CNKSR1: variants seen among roughly 807,000 people sequenced by gnomAD.
CNKSR1 encodes connector enhancer of kinase suppressor of Ras 1, also known as CNK homolog protein 1.
Under a neutral mutation model 95.6 loss-of-function variants are expected in CNKSR1, and 88 were observed. The ratio of observed to expected loss-of-function variants is 0.92; its 90% CI spans 0.78 to 1.10. CNKSR1 has a LOEUF of 1.10. CNKSR1 is among the 50% of genes least tolerant of loss of function. The probability of loss-of-function intolerance (pLI) is 0.00; values close to 1 mark genes in which losing one functional copy is unlikely to be tolerated. For synonymous variants in CNKSR1, 355 were observed against 369.7 expected (o/e 0.96, Z 0.46); for missense variants, 836 against 912.0 (o/e 0.92, Z 1.07).
intron 14 of CNKSR1, among the ~76,000 whole-genome samples, chr1:26,185,494 G>A (rs1022878773): frequency 6.7e-6 from 1 of 150,026 alleles, no homozygotes; most frequent in Non-Finnish European, 1.5e-5. Context: ...CCGGGTTCAC[G>A]CCATTCTCCT....
chr1:26,183,204 A>C lies in CNKSR1; in HGVS notation c.632A>C (p.Glu211Ala). 6.2e-7 allele frequency: 1 copy of C among 1,613,974 alleles called. No individual in the cohort carries two copies. Among genetic ancestry groups the C allele is most frequent in the Non-Finnish European group, 8.5e-7 (1 of 1,179,968 alleles). ...TAGCCTCTGCCTCTGCAGGGCCTAGAAATTCACACCACCAGCAATTGCCAG... is the reference window on the plus strand; with the variant it reads ...TAGCCTCTGCCTCTGCAGGGCCTAGCAATTCACACCACCAGCAATTGCCAG... Reference protein sequence around the residue: ...QVQLDSPLGLEIHTTSNCQHF... With the variant: ...QVQLDSPLGLAIHTTSNCQHF... Residue 211 changes from glutamate to alanine, a missense_variant, in exon 7 of 21, where the codon GAA becomes GCA. By Grantham distance (107) the Glu-to-Ala change is moderately radical (BLOSUM62 -1). Transcript: ENST00000361530.
intron 1 of CNKSR1, 35 bp downstream of exon 1, chr1:26,177,634 G>A (rs2088582674): frequency 6.2e-7 from 1 of 1,612,656 alleles, no homozygotes; most frequent in South Asian, 1.1e-5. Context: ...GGCTTGAAGG[G>A]GACTAGGTGT....
At chr1:26,187,684 G>A (rs1201647977) in intron 16 of CNKSR1, among the ~76,000 whole-genome samples, 3 of 146,968 alleles carry the variant, frequency 2.0e-5, no homozygotes, top group Non-Finnish European at 3.0e-5. Context: ...GTGCAGTGGC[G>A]TGATCTTGGC....
In CNKSR1 at chr1:26,185,124, C is replaced by A. The variant is rs1359073386; in HGVS notation, c.1246C>A (p.Arg416Ser). ...RKAPGGFMGP[R>S]WRRRWFVLKG... ...GGCACCGGGCGGCTTCATGGGCCCG[C>A]GCTGGCGCCGCCGCTGGTTTGTGCT... The change falls in exon 14 of 21, where the codon CGC becomes AGC. Residue 416 changes from arginine (R) to serine (S), a missense_variant. By Grantham distance (110) the Arg-to-Ser change is moderately radical (BLOSUM62 -1). Coordinates refer to ENST00000361530, the MANE Select transcript of CNKSR1 (RefSeq NM_006314.3). 1.3e-6 allele frequency: 2 copies of A among 1,587,594 alleles called. No individual in the cohort carries two copies. The highest frequency in any genetic ancestry group is 1.7e-6 in the Non-Finnish European group (2 of 1,168,062).
chr1:26,179,313 A>G lies in CNKSR1; in HGVS notation c.53-1140A>G, dbSNP rs536547633. Reference sequence around the variant, plus strand: ...AGTGGGAACAAGAGGAGAGCCCTCCATCCCACTCAGCCTGGGAAGTTATGG... The same window carrying G: ...AGTGGGAACAAGAGGAGAGCCCTCCGTCCCACTCAGCCTGGGAAGTTATGG... On this transcript the variant is annotated intron_variant, in intron 1 of 20. Transcript: ENST00000361530. 6.6e-5 allele frequency among the ~76,000 whole-genome samples: 10 copies of G among 152,342 alleles called. 1 individual carries two copies. The highest frequency in any genetic ancestry group is 2.4e-4 in the African/African-American group (10 of 41,582).
rs1258855799 is a variant in CNKSR1 at position 26,188,687 on chromosome 1, C to T, written c.1680C>T (p.Gly560=). The T allele has an allele frequency of 6.2e-7, 1 of 1,613,808 alleles. No individual in the cohort carries two copies. The highest frequency in any genetic ancestry group is 1.1e-5 in the South Asian group (1 of 91,074). Residue 560 remains glycine (G), a synonymous_variant, in exon 19 of 21, where the codon GGC becomes GGT. Transcript: ENST00000361530. ...AGCGCAGCCCACGGACCTCCTTTGG[C>T]TCTCTGACAGGTGCTGGGCTGGAGT... ...PTQRSPRTSF[G]SLTDSSEEAL...
In CNKSR1 at chr1:26,184,965, G is replaced by A. The variant is rs1364916943; in HGVS notation, c.1136-49G>A. ...GGAAGGCAGGGAGTAGGTTTAGCGG[G>A]GGCACCTTGCCAGCCCCTCACTGCC... On this transcript the variant is annotated intron_variant, in intron 13 of 20. Coordinates refer to ENST00000361530, the MANE Select transcript of CNKSR1 (RefSeq NM_006314.3). The A allele has an allele frequency of 3.9e-6, 6 of 1,538,508 alleles. No homozygotes were observed. The East Asian group carries it at 1.4e-4, about 36-fold the overall frequency.
At chr1:26,183,172 G>C (rs2088675559) in intron 6 of CNKSR1, 25 bp from the exon 7 acceptor site, 1 of 1,613,454 alleles carries the variant, frequency 6.2e-7, no homozygotes, top group African/African-American at 1.3e-5. Flanking sequence ...CCAGCCCCCG[G>C]TGACTATAGC....
At position 26,181,963 on chromosome 1, in the gene CNKSR1, C is replaced by T. The variant is rs777220851; in HGVS notation, c.477+22C>T. 17 of 1,609,998 alleles carry T rather than the reference C, an allele frequency of 1.1e-5. No homozygotes were observed. The South Asian group carries it at 1.8e-4, about 17-fold the overall frequency. On this transcript the variant is annotated intron_variant, in intron 4 of 20. Coordinates refer to ENST00000361530, the MANE Select transcript of CNKSR1 (RefSeq NM_006314.3). ...TGAGGTAGGAGAACCAAGGGCCAGGCTTGGCCCATGCCCTAGAGACCAAGC... is the reference window on the plus strand; with the variant it reads ...TGAGGTAGGAGAACCAAGGGCCAGGTTTGGCCCATGCCCTAGAGACCAAGC...
At chr1:26,177,896 G>A (rs754996736) in intron 1 of CNKSR1, among the ~76,000 whole-genome samples, 16 of 152,166 alleles carry the variant, frequency 1.1e-4, no homozygotes, top group South Asian at 4.1e-4. Context: ...GAACCCAGGA[G>A]GCAGAGGTTA....
chr1:26,182,272 G>A, intron 4 of CNKSR1, 89 bp from the exon 5 acceptor site: 1 of 1,330,156 alleles, frequency 7.5e-7, no homozygotes, highest in South Asian at 1.2e-5. Context: ...GGGAGGGACT[G>A]TACGGAATCC....
intron 8 of CNKSR1, 119 bp downstream of exon 8, chr1:26,183,533 A>T: frequency 1.7e-6 from 2 of 1,173,218 alleles, no homozygotes; most frequent in Non-Finnish European, 2.5e-6. Context: ...CTTCCAGGAG[A>T]TGAGCCAGCT....
At position 26,180,478 on chromosome 1, in the gene CNKSR1, T is replaced by C. The variant is rs1466742999; in HGVS notation, c.78T>C (p.Tyr26=). The part of the protein sequence containing the change: ...LRGLDDSLQD[Y]PFEDWQLPGK... ...GTCTTGACGACTCCCTGCAGGACTA[T>C]CCCTTTGAGGACTGGCAGCTGCCTG... The change falls in exon 2 of 21, where the codon TAT becomes TAC. Residue 26 remains tyrosine, a synonymous_variant. Coordinates refer to ENST00000361530, the MANE Select transcript of CNKSR1 (RefSeq NM_006314.3). The C allele has an allele frequency of 6.2e-7, 1 of 1,614,102 alleles. No individual in the cohort carries two copies. Among genetic ancestry groups the C allele is most frequent in the South Asian group, 1.1e-5 (1 of 91,076 alleles).
rs115680702 is a variant in CNKSR1 at position 26,187,449 on chromosome 1, T to C, written c.1421T>C (p.Ile474Thr). 1,283 of 1,614,000 alleles carry C rather than the reference T, an allele frequency of 7.9e-4. 10 individuals carry two copies. The African/African-American group carries it at 0.013, about 17-fold the overall frequency. Residue 474 changes from isoleucine (I) to threonine (T), a missense_variant, in exon 16 of 21, where the codon ATC (isoleucine) becomes ACC (threonine). Coordinates refer to ENST00000361530, the MANE Select transcript of CNKSR1 (RefSeq NM_006314.3). ...ACCCATGATGTGTACAAACCCTTCA[T>C]CTTCGCTGCTGATACCCTGACAGAT... is the stretch of plus-strand genomic sequence containing the variant. The part of the protein sequence containing the change: ...QLTHDVYKPF[I>T]FAADTLTDLS...
chr1:26,188,428 G>T lies in CNKSR1; in HGVS notation c.1529-14G>T, dbSNP rs772012166. ...CCTGGCCTCCCAAAAACCCACTGCT[G>T]CTCCTCACCCCAGACTGCTACAGTG... On this transcript the variant is annotated splice_polypyrimidine_tract_variant and intron_variant, in intron 17 of 20. Transcript: ENST00000361530. 3.1e-6 allele frequency: 5 copies of T among 1,605,586 alleles called. No homozygotes were observed. Among genetic ancestry groups the T allele is most frequent in the Non-Finnish European group, 4.3e-6 (5 of 1,176,142 alleles).
At position 26,188,929 on chromosome 1, in the gene CNKSR1, G is replaced by A. The variant is rs1165863460; in HGVS notation, c.1848G>A (p.Val616=). 1 of 1,613,840 alleles carries A rather than the reference G, an allele frequency of 6.2e-7. No individual in the cohort carries two copies. The highest frequency in any genetic ancestry group is 1.7e-5 in the Admixed American group (1 of 60,024). ...DPQLNERVHR[V]RALQSTLKAK... The stretch of plus-strand genomic sequence containing the variant: ...AGCTCAATGAGCGAGTGCACCGTGT[G>A]CGGGCGCTACAGAGCACACTCAAGG... Residue 616 remains valine (V), a synonymous_variant, in exon 20 of 21, where the codon GTG becomes GTA. Coordinates refer to ENST00000361530, the MANE Select transcript of CNKSR1 (RefSeq NM_006314.3).
intron 16 of CNKSR1, 41 bp from the exon 17 acceptor site, chr1:26,188,193 C>T: frequency 6.4e-7 from 1 of 1,565,200 alleles, no homozygotes; most frequent in South Asian, 1.1e-5. Flanking sequence ...AAGAGGGCCC[C>T]AGTGGATGGA....
rs369925886 is a variant in CNKSR1 at position 26,184,290 on chromosome 1, A to G, written c.1000+3A>G. ...CGGACCCAGCCCTGCCTGGACAGGT[A>G]GTCTCAAAGCTCCATGGATGCCCCG... On this transcript the variant is annotated splice_donor_region_variant and intron_variant, in intron 11 of 20. Transcript: ENST00000361530. 23 of 1,613,304 alleles carry G rather than the reference A, an allele frequency of 1.4e-5. No homozygotes were observed. The highest frequency in any genetic ancestry group is 1.8e-5 in the Non-Finnish European group (21 of 1,179,648).
intron 3 of CNKSR1, 91 bp from the exon 4 acceptor site, chr1:26,181,766 C>T (rs1348246947): frequency 7.9e-7 from 1 of 1,258,060 alleles, no homozygotes; most frequent in Non-Finnish European, 1.2e-6. Flanking sequence ...AGGTATTATC[C>T]CCAAGTCTCT....
Sources: gnomAD v4.1 joint callset for allele counts (sites outside exome capture counted in the v4.1 genomes callset) on GRCh38, gnomAD v4.1.1 for gene constraint, MANE v1.5 for transcripts, NCBI Gene and HGNC (gene_info 2026-07-23, HGNC 2026-07-21) for gene names.